The following NEXMIF variants were observed in gnomAD, a reference collection of about 807,000 sequenced individuals.
The protein encoded by NEXMIF is XLMR protein related to neurite extension.
Under a neutral mutation model 62.1 loss-of-function variants are expected in NEXMIF, and 8 were observed. That is an observed-to-expected ratio of 0.13 (90% CI 0.08 to 0.23). The LOEUF (loss-of-function observed/expected upper bound fraction) is 0.23. Ranked by LOEUF, NEXMIF falls within the 10% of genes least tolerant of loss-of-function variation. NEXMIF has a pLI of 1.00. For synonymous variants in NEXMIF, 404 were observed against 416.6 expected (o/e 0.97, Z 0.37); for missense variants, 976 against 1,113.3 (o/e 0.88, Z 1.75).
intron 1 of NEXMIF, among the ~76,000 whole-genome samples, chrX:74,837,984 G>A (rs1030488849): frequency 6.3e-5 from 7 of 111,574 alleles, no homozygotes; most frequent in African/African-American, 2.3e-4. Context: ...TTATAAGTAA[G>A]TGGTGAAAAA....
chrX:74,808,168 C>T (rs183108528), intron 1 of NEXMIF, among the ~76,000 whole-genome samples: 14 of 111,123 alleles, frequency 1.3e-4, no homozygotes, highest in Non-Finnish European at 5.7e-5. Flanking sequence ...CCTTGGGAGG[C>T]CAAGGTGGGC....
rs771299521 is a variant in NEXMIF at position 74,741,502 on chromosome X, C to A, written c.3055G>T (p.Asp1019Tyr). Reference sequence around the variant, plus strand: ...AGGAAGTCATCAGTGATATCATCATCGCCATCCTTTTCACAGGACTTCAAG... The same window carrying A: ...AGGAAGTCATCAGTGATATCATCATAGCCATCCTTTTCACAGGACTTCAAG... ...LSLKSCEKDG[D>Y]DDITDDFLAH... The change falls in exon 3 of 4, where the codon GAT becomes TAT. Residue 1019 changes from aspartate (D) to tyrosine (Y), a missense_variant. By Grantham distance (160) the Asp-to-Tyr change is radical. Coordinates refer to ENST00000055682, the MANE Select transcript of NEXMIF (RefSeq NM_001008537.3). The A allele has an allele frequency of 8.3e-7, 1 of 1,209,423 alleles. No homozygotes were observed. The highest frequency in any genetic ancestry group is 1.8e-5 in the African/African-American group (1 of 57,088).
At chrX:74,844,603 G>T (rs933366702) in intron 1 of NEXMIF, among the ~76,000 whole-genome samples, 1 of 111,659 alleles carries the variant, frequency 9.0e-6, no homozygotes, top group African/African-American at 3.3e-5. Flanking sequence ...AGACTGAGGA[G>T]ATTTCTAGTC....
At chrX:74,910,499 T>C (rs909754717) in intron 1 of NEXMIF, among the ~76,000 whole-genome samples, 2 of 111,998 alleles carry the variant, frequency 1.8e-5, no homozygotes, top group African/African-American at 6.5e-5. Context: ...TACAGGCTCA[T>C]AGATGGAAGG....
chrX:74,903,155 G>A (rs746605195), intron 1 of NEXMIF, among the ~76,000 whole-genome samples: 17 of 111,376 alleles, frequency 1.5e-4, no homozygotes, highest in South Asian at 3.8e-4. Context: ...GCAAATACAC[G>A]TTCACTGAGG....
intron 1 of NEXMIF, among the ~76,000 whole-genome samples, chrX:74,844,450 A>G (rs2080484718): frequency 9.0e-6 from 1 of 111,642 alleles, no homozygotes; most frequent in African/African-American, 3.3e-5. Flanking sequence ...TTGGGTTTTC[A>G]ACACTTTCTC....
At chrX:74,762,205 G>C (rs1361868122) in intron 1 of NEXMIF, among the ~76,000 whole-genome samples, 2 of 104,557 alleles carry the variant, frequency 1.9e-5, no homozygotes, top group African/African-American at 7.1e-5. Flanking sequence ...CTATGAGTGA[G>C]AACATGCGGT....
At chrX:74,872,892 T>A (rs2080608532) in intron 1 of NEXMIF, among the ~76,000 whole-genome samples, 1 of 110,362 alleles carries the variant, frequency 9.1e-6, no homozygotes, top group Admixed American at 9.7e-5. Context: ...ACTGACACAC[T>A]AGCTGCCATA....
chrX:74,880,700 G>A (rs2080659285), intron 1 of NEXMIF, among the ~76,000 whole-genome samples: 1 of 112,037 alleles, frequency 8.9e-6, no homozygotes, highest in Admixed American at 9.5e-5. Flanking sequence ...TGGAAATTAG[G>A]TGTAGAAAAG....
intron 1 of NEXMIF, among the ~76,000 whole-genome samples, chrX:74,796,142 A>T (rs771793799): frequency 1.3e-5 from 1 of 75,622 alleles, no homozygotes; most frequent in African/African-American, 5.1e-5. Context: ...TAATATATAT[A>T]TTATATATAT....
At chrX:74,864,866 C>A (rs920499056) in intron 1 of NEXMIF, among the ~76,000 whole-genome samples, 5 of 110,778 alleles carry the variant, frequency 4.5e-5, no homozygotes, top group Admixed American at 9.6e-5. Context: ...CCACCACCAC[C>A]TCCAGCTAAT....
chrX:74,822,171 C>A (rs1046625451), intron 1 of NEXMIF, among the ~76,000 whole-genome samples: 1 of 111,571 alleles, frequency 9.0e-6, no homozygotes, highest in Admixed American at 9.6e-5. Flanking sequence ...CTTCCTCACA[C>A]CATACTTAAA....
At chrX:74,835,121 A>T (rs2080452160) in intron 1 of NEXMIF, among the ~76,000 whole-genome samples, 1 of 111,829 alleles carries the variant, frequency 8.9e-6, no homozygotes, top group South Asian at 3.7e-4. Context: ...CGTCAATTTC[A>T]TTTTCAACTC....
At chrX:74,908,856 G>C (rs200282694) in intron 1 of NEXMIF, among the ~76,000 whole-genome samples, 1 of 111,780 alleles carries the variant, frequency 8.9e-6, no homozygotes, top group South Asian at 3.8e-4. Context: ...CCCCCATACC[G>C]TTGTTGTGGT....
chrX:74,829,512 G>A lies in NEXMIF; in HGVS notation c.-47-83815C>T, dbSNP rs751550389. Among the ~76,000 whole-genome samples the A allele has an allele frequency of 6.2e-5, 7 of 112,156 alleles. 1 individual carries two copies. In the South Asian group the frequency reaches 2.6e-3, roughly 42 times the overall value. ...TATTGTGAACAGTGCTGCAACAAACGTGGGAGTGCAGATATCACTTTGATA... is the reference window on the plus strand; with the variant it reads ...TATTGTGAACAGTGCTGCAACAAACATGGGAGTGCAGATATCACTTTGATA... On this transcript the variant is annotated intron_variant, in intron 1 of 3. Coordinates refer to ENST00000055682, the MANE Select transcript of NEXMIF (RefSeq NM_001008537.3).
At chrX:74,878,111 T>C (rs1294397745) in intron 1 of NEXMIF, among the ~76,000 whole-genome samples, 2 of 111,500 alleles carry the variant, frequency 1.8e-5, no homozygotes, top group Non-Finnish European at 3.8e-5. Context: ...TTTCCCCATC[T>C]TTGTGGTTTT....
intron 1 of NEXMIF, among the ~76,000 whole-genome samples, chrX:74,810,028 T>A (rs963717676): frequency 8.9e-6 from 1 of 111,807 alleles, no homozygotes; most frequent in African/African-American, 3.2e-5. Flanking sequence ...ACAAAATATA[T>A]TAATATGGCT....
At chrX:74,875,324 T>A (rs1211324701) in intron 1 of NEXMIF, among the ~76,000 whole-genome samples, 2 of 111,905 alleles carry the variant, frequency 1.8e-5, no homozygotes, top group African/African-American at 6.5e-5. Flanking sequence ...TGAACCAGCC[T>A]TGCATCCCAG....
chrX:74,894,853 A>G (rs1428730750), intron 1 of NEXMIF, among the ~76,000 whole-genome samples: 1 of 112,458 alleles, frequency 8.9e-6, no homozygotes, highest in Non-Finnish European at 1.9e-5. Context: ...TCTATGACAG[A>G]CACACAGCTA....
Sources: allele counts gnomAD v4.1 joint callset (sites outside exome capture counted in the v4.1 genomes callset), GRCh38; gene constraint gnomAD v4.1.1; transcripts MANE v1.5; gene names NCBI Gene and HGNC (gene_info 2026-07-23, HGNC 2026-07-21).